The following TOM1L2 variants were observed in gnomAD, a reference collection of about 807,000 sequenced individuals.
TOM1L2 encodes the protein target of myb1 like 2 membrane trafficking protein, also known as TOM1-like protein 2.
Under a neutral mutation model 67.9 loss-of-function variants are expected in TOM1L2, and 31 were observed. The ratio of observed to expected loss-of-function variants is 0.46; its 90% CI spans 0.34 to 0.62. TOM1L2 has a LOEUF of 0.62. Ranked by LOEUF, TOM1L2 falls within the 20% of genes least tolerant of loss-of-function variation. The probability of loss-of-function intolerance (pLI) is 0.01; values close to 1 mark genes in which losing one functional copy is unlikely to be tolerated. For synonymous variants in TOM1L2, 256 were observed against 254.0 expected (o/e 1.01, Z -0.07); for missense variants, 606 against 663.5 (o/e 0.91, Z 0.95).
intron 1 of TOM1L2, among the ~76,000 whole-genome samples, chr17:17,919,338 C>A (rs2039757060): frequency 6.6e-6 from 1 of 152,188 alleles, no homozygotes; most frequent in Non-Finnish European, 1.5e-5. Flanking sequence ...CTTGCACCCC[C>A]CTCCTCTCCC....
chr17:17,909,355 C>T lies in TOM1L2; in HGVS notation c.53-1824G>A, dbSNP rs189703979. ...CCAAAAGGTGTAAACAGCCTGTGTCCATCAATTAAAGAATGGATAAGCCAA... is the reference window on the plus strand; with the variant it reads ...CCAAAAGGTGTAAACAGCCTGTGTCTATCAATTAAAGAATGGATAAGCCAA... On this transcript the variant is annotated intron_variant, in intron 1 of 14. Transcript: ENST00000379504. Among the ~76,000 whole-genome samples the T allele has an allele frequency of 1.1e-4, 16 of 152,086 alleles. No individual in the cohort carries two copies. In the East Asian group the frequency reaches 2.9e-3, roughly 28 times the overall value.
chr17:17,879,483 C>T lies in TOM1L2; in HGVS notation c.777+144G>A. 4.7e-6 allele frequency: 3 copies of T among 640,932 alleles called. No homozygotes were observed. In the South Asian group the frequency reaches 6.1e-5, roughly 13 times the overall value. The allele number at this position is 640,932 out of a possible 1,614,324, so 39.7% of individuals were successfully genotyped here. Reference sequence around the variant, plus strand: ...CTGCCTGTCCGTAGGCAACGTGAGGCTGCATGTGTGCTCACATGGACTATC... The same window carrying T: ...CTGCCTGTCCGTAGGCAACGTGAGGTTGCATGTGTGCTCACATGGACTATC... On this transcript the variant is annotated intron_variant, in intron 7 of 14. Transcript: ENST00000379504.
Position 17,884,573 on chromosome 17 carries a change from A to G in TOM1L2, c.501+61T>C, listed in dbSNP as rs2144089862. 1.9e-6 allele frequency: 3 copies of G among 1,604,184 alleles called. 1 individual carries two copies. The highest frequency in any genetic ancestry group is 2.2e-5 in the South Asian group (2 of 90,452). ...AAGGCAGCAGCAGAAGGGTGGCTGCAGCAGCTTGGCTCACCCGTTCTGCAG... is the reference window on the plus strand; with the variant it reads ...AAGGCAGCAGCAGAAGGGTGGCTGCGGCAGCTTGGCTCACCCGTTCTGCAG... On this transcript the variant is annotated intron_variant, in intron 5 of 14. Coordinates refer to ENST00000379504, the MANE Select transcript of TOM1L2 (RefSeq NM_001082968.2).
intron 1 of TOM1L2, among the ~76,000 whole-genome samples, chr17:17,914,169 CAG>C (rs2039528304): frequency 6.6e-6 from 1 of 152,186 alleles, no homozygotes; most frequent in Admixed American, 6.5e-5. Flanking sequence ...GAGGGGTGTT[CAG>C]AGACAGCTGC....
At chr17:17,967,639 C>T (rs190753984) in intron 1 of TOM1L2, among the ~76,000 whole-genome samples, 23 of 152,320 alleles carry the variant, frequency 1.5e-4, no homozygotes, top group Admixed American at 8.5e-4. Context: ...TGCAGTCTCG[C>T]TCTGTCATTC....
chr17:17,882,606 A>AGCAC, intron 6 of TOM1L2, 99 bp downstream of exon 6: 1 of 1,509,692 alleles, frequency 6.6e-7, no homozygotes, highest in Non-Finnish European at 9.0e-7. Context: ...CCTAACACCC[A>AGCAC]GCACAATACC....
rs565635115 is a variant in TOM1L2, at chr17:17,854,670, G to A, written c.1279-3718C>T. 1.5e-4 allele frequency among the ~76,000 whole-genome samples: 23 copies of A among 151,780 alleles called. No individual in the cohort carries two copies. The South Asian group carries it at 4.2e-3, about 28-fold the overall frequency. The stretch of plus-strand genomic sequence containing the variant: ...CTCCTGAGTAGCTGGGATTACAGGC[G>A]TGAGCCACCACACCTGCCTAATTTT... On this transcript the variant is annotated intron_variant, in intron 12 of 14. Coordinates refer to ENST00000379504, the MANE Select transcript of TOM1L2 (RefSeq NM_001082968.2).
intron 1 of TOM1L2, among the ~76,000 whole-genome samples, chr17:17,934,968 C>G (rs943361711): frequency 3.3e-5 from 5 of 152,250 alleles, no homozygotes; most frequent in African/African-American, 1.2e-4. Context: ...ACTCAGCTAT[C>G]CTGCACATAG....
chr17:17,910,765 C>T (rs564105924), intron 1 of TOM1L2, among the ~76,000 whole-genome samples: 3 of 152,158 alleles, frequency 2.0e-5, no homozygotes, highest in African/African-American at 4.8e-5. Context: ...AGATGGGTTT[C>T]GGCACGTTGG....
chr17:17,851,737 A>G (rs1162734485), intron 12 of TOM1L2, among the ~76,000 whole-genome samples: 1 of 152,172 alleles, frequency 6.6e-6, no homozygotes, highest in Non-Finnish European at 1.5e-5. Flanking sequence ...CCTGTGTTCA[A>G]TGGCTGGCTG....
intron 1 of TOM1L2, among the ~76,000 whole-genome samples, chr17:17,941,020 T>C (rs986403685): frequency 6.6e-6 from 1 of 152,182 alleles, no homozygotes; most frequent in Non-Finnish European, 1.5e-5. Context: ...TCTAGTGTTT[T>C]CTTAGGGGAA....
chr17:17,941,455 A>G lies in TOM1L2; in HGVS notation c.52+30807T>C, dbSNP rs2040731012. The stretch of plus-strand genomic sequence containing the variant: ...CTTCATGGCAGCAGGAAAACAAAAC[A>G]TATGTGAAAAAGCTAGACAAAAAGC... On this transcript the variant is annotated intron_variant, in intron 1 of 14. Coordinates refer to ENST00000379504, the MANE Select transcript of TOM1L2 (RefSeq NM_001082968.2). 5.3e-5 allele frequency among the ~76,000 whole-genome samples: 8 copies of G among 151,984 alleles called. 1 individual carries two copies. The South Asian group carries it at 1.7e-3, about 31-fold the overall frequency.
intron 13 of TOM1L2, 168 bp from the exon 14 acceptor site, chr17:17,849,027 C>G (rs2035814117): frequency 1.7e-6 from 1 of 573,028 alleles, no homozygotes; most frequent in Non-Finnish European, 3.1e-6. Flanking sequence ...AAATACTGCT[C>G]TTCTTATTGG....
At chr17:17,947,241 C>T (rs981965634) in intron 1 of TOM1L2, among the ~76,000 whole-genome samples, 2 of 152,140 alleles carry the variant, frequency 1.3e-5, no homozygotes, top group East Asian at 1.9e-4. Context: ...CCATGCTGGT[C>T]TTGAACTCCT....
chr17:17,872,513 A>T (rs2037202011), intron 7 of TOM1L2, among the ~76,000 whole-genome samples: 1 of 152,204 alleles, frequency 6.6e-6, no homozygotes, highest in Admixed American at 6.5e-5. Context: ...CCAGAGGGAG[A>T]CCTGGCCAAA....
intron 1 of TOM1L2, among the ~76,000 whole-genome samples, chr17:17,946,047 A>C (rs1015585109): frequency 2.6e-5 from 4 of 151,486 alleles, no homozygotes; most frequent in Non-Finnish European, 5.9e-5. Flanking sequence ...TAAATTTTTC[A>C]TATTTTTTGG....
At chr17:17,870,011 G>A (rs2037069431) in intron 7 of TOM1L2, 1 of 152,558 alleles carries the variant, frequency 6.6e-6, no homozygotes. Flanking sequence ...AAATTTCTAG[G>A]TGAAAGGGTA....
At chr17:17,883,339 A>T (rs2037826922) in intron 5 of TOM1L2, among the ~76,000 whole-genome samples, 1 of 152,236 alleles carries the variant, frequency 6.6e-6, no homozygotes. Flanking sequence ...GAACAACAAC[A>T]CTGCTCTCTG....
chr17:17,916,658 T>C (rs1416078774), intron 1 of TOM1L2, among the ~76,000 whole-genome samples: 1 of 152,260 alleles, frequency 6.6e-6, no homozygotes, highest in Non-Finnish European at 1.5e-5. Flanking sequence ...TACCATGATG[T>C]TGTGATTATT....
Sources: allele counts gnomAD v4.1 joint callset (sites outside exome capture counted in the v4.1 genomes callset), GRCh38; gene constraint gnomAD v4.1.1; transcripts MANE v1.5; gene names NCBI Gene and HGNC (gene_info 2026-07-23, HGNC 2026-07-21).